MCTP1: variants seen among roughly 807,000 people sequenced by gnomAD.
MCTP1 encodes the protein multiple C2 and transmembrane domain containing 1.
A neutral mutation model predicts 120.6 loss-of-function variants in MCTP1; 69 were observed. That is an observed-to-expected ratio of 0.57 (90% CI 0.47 to 0.70). The LOEUF is 0.70. MCTP1 is among the 30% of genes least tolerant of loss of function. The pLI is 0.00. For synonymous variants in MCTP1, 529 were observed against 493.1 expected (o/e 1.07, Z -0.96); for missense variants, 1,203 against 1,248.8 (o/e 0.96, Z 0.55).
At chr5:95,177,626 G>T (rs1423511876) in intron 1 of MCTP1, among the ~76,000 whole-genome samples, 2 of 152,196 alleles carry the variant, frequency 1.3e-5, no homozygotes, top group African/African-American at 4.8e-5. Flanking sequence ...TAACAGACAT[G>T]CAGTGAAAGG....
chr5:94,882,484 C>T (rs1009085977), intron 12 of MCTP1, among the ~76,000 whole-genome samples: 6 of 151,846 alleles, frequency 4.0e-5, no homozygotes, highest in Admixed American at 1.3e-4. Flanking sequence ...TTCCTTGATC[C>T]GTTGTTCTAG....
At chr5:95,001,348 TC>T (rs1197473658) in intron 2 of MCTP1, among the ~76,000 whole-genome samples, 1 of 152,104 alleles carries the variant, frequency 6.6e-6, no homozygotes, top group Non-Finnish European at 1.5e-5. Flanking sequence ...AACTCGGTAA[TC>T]AGCAGAGGCT....
rs1273118280 is a variant in MCTP1, at chr5:94,993,532, G to T, written c.838+23835C>A. 1.3e-5 allele frequency among the ~76,000 whole-genome samples: 2 copies of T among 152,134 alleles called. 1 individual carries two copies. Among genetic ancestry groups the T allele is most frequent in the African/African-American group, 4.8e-5 (2 of 41,416 alleles). The stretch of plus-strand genomic sequence containing the variant: ...CCCTTATTTTCCCAAGAGATGATTT[G>T]TTTATATTAGAAAAACTAAATCTTT... On this transcript the variant is annotated intron_variant, in intron 2 of 22. Coordinates refer to ENST00000515393, the MANE Select transcript of MCTP1 (RefSeq NM_024717.7).
chr5:94,753,825 C>T (rs1281225067), intron 19 of MCTP1, among the ~76,000 whole-genome samples: 1 of 152,172 alleles, frequency 6.6e-6, no homozygotes, highest in Non-Finnish European at 1.5e-5. Flanking sequence ...TTCAGGTAGA[C>T]TATGCCTCTT....
intron 12 of MCTP1, among the ~76,000 whole-genome samples, chr5:94,882,668 C>T (rs558820827): frequency 6.6e-6 from 1 of 152,150 alleles, no homozygotes; most frequent in Admixed American, 6.5e-5. Context: ...CTCAAAGGAT[C>T]ATTTTGTAAT....
chr5:95,159,503 C>T (rs1745483799), intron 1 of MCTP1, among the ~76,000 whole-genome samples: 1 of 152,050 alleles, frequency 6.6e-6, no homozygotes, highest in Admixed American at 6.5e-5. Context: ...TTGTGAAGTG[C>T]CCATAATGCA....
chr5:94,963,461 C>T (rs1210301507), intron 2 of MCTP1, among the ~76,000 whole-genome samples: 1 of 143,534 alleles, frequency 7.0e-6, no homozygotes, highest in African/African-American at 2.7e-5. Context: ...AGATCCTGTC[C>T]AACACTTGTT....
At chr5:95,166,116 A>G (rs1746315012) in intron 1 of MCTP1, 1 of 152,196 alleles carries the variant, frequency 6.6e-6, no homozygotes, top group African/African-American at 2.4e-5. Context: ...AAATTATAGA[A>G]GGTTACCTCT....
At chr5:94,941,034 A>C (rs765901786) in intron 4 of MCTP1, among the ~76,000 whole-genome samples, 4 of 152,000 alleles carry the variant, frequency 2.6e-5, no homozygotes, top group African/African-American at 4.8e-5. Flanking sequence ...ATACACACCA[A>C]ATGCTCATGT....
chr5:94,848,408 T>C (rs904588836), intron 17 of MCTP1, among the ~76,000 whole-genome samples: 4 of 151,864 alleles, frequency 2.6e-5, no homozygotes, highest in African/African-American at 9.7e-5. Flanking sequence ...TCCGAGAAAA[T>C]GCCTTCTCTA....
At chr5:94,954,149 T>C (rs370389232) in intron 2 of MCTP1, among the ~76,000 whole-genome samples, 23 of 63,590 alleles carry the variant, frequency 3.6e-4, no homozygotes, top group African/African-American at 1.5e-3. Flanking sequence ...TATATATACA[T>C]ATATATATGC....
intron 1 of MCTP1, among the ~76,000 whole-genome samples, chr5:95,167,071 T>C (rs162477): frequency 0.34 from 51,968 of 151,822 alleles, 9,273 homozygotes; most frequent in East Asian, 0.61. Flanking sequence ...CCCCACTCCC[T>C]GCACCCTATG....
chr5:95,179,670 T>C (rs1358179004), intron 1 of MCTP1, among the ~76,000 whole-genome samples: 1 of 152,182 alleles, frequency 6.6e-6, no homozygotes, highest in Non-Finnish European at 1.5e-5. Flanking sequence ...CAAGAACTGC[T>C]AAAAGGCGCT....
chr5:94,937,813 T>C (rs1360977312), intron 5 of MCTP1, among the ~76,000 whole-genome samples: 3 of 152,046 alleles, frequency 2.0e-5, no homozygotes, highest in African/African-American at 7.2e-5. Flanking sequence ...CAGCTGACTA[T>C]ACATTATCAA....
chr5:94,895,638 T>C (rs1317041742), intron 10 of MCTP1, among the ~76,000 whole-genome samples: 4 of 152,238 alleles, frequency 2.6e-5, no homozygotes, highest in African/African-American at 9.6e-5. Context: ...TAACCTACCA[T>C]AAACTGCGTG....
intron 1 of MCTP1, among the ~76,000 whole-genome samples, chr5:95,044,940 G>A (rs773520066): frequency 1.6e-4 from 24 of 152,110 alleles, no homozygotes; most frequent in Non-Finnish European, 2.5e-4. Flanking sequence ...TGAAGTGATC[G>A]TCAAGCATCA....
intron 12 of MCTP1, among the ~76,000 whole-genome samples, chr5:94,883,839 T>C (rs1343547336): frequency 6.6e-6 from 1 of 152,228 alleles, no homozygotes; most frequent in East Asian, 1.9e-4. Context: ...ACTGCATATG[T>C]CTTAAGCTAT....
At chr5:95,014,449 G>C in intron 2 of MCTP1, among the ~76,000 whole-genome samples, 1 of 152,108 alleles carries the variant, frequency 6.6e-6, no homozygotes, top group Non-Finnish European at 1.5e-5. Flanking sequence ...TAGAAGTGGA[G>C]CCTGATGATA....
chr5:94,918,642 T>C (rs1436948046), intron 7 of MCTP1, among the ~76,000 whole-genome samples: 3 of 152,174 alleles, frequency 2.0e-5, no homozygotes, highest in Admixed American at 2.0e-4. Flanking sequence ...TGAAAGTTTA[T>C]ATTACAGGTC....
Sources: gnomAD v4.1 joint callset for allele counts (sites outside exome capture counted in the v4.1 genomes callset) on GRCh38, gnomAD v4.1.1 for gene constraint, MANE v1.5 for transcripts, NCBI Gene and HGNC (gene_info 2026-07-23, HGNC 2026-07-21) for gene names.